RANBP3: variants seen among roughly 807,000 people sequenced by gnomAD.
RANBP3 encodes RAN binding protein 3.
A neutral mutation model predicts 77.3 loss-of-function variants in RANBP3; 14 were observed. The observed-to-expected ratio is 0.18, with a 90% CI of 0.12 to 0.28. The LOEUF (loss-of-function observed/expected upper bound fraction) is 0.28, where lower values mean the gene tolerates loss of function less well. Ranked by LOEUF, RANBP3 falls within the 10% of genes least tolerant of loss-of-function variation. The pLI is 1.00. For missense variants in RANBP3, 586 were observed against 752.3 expected (o/e 0.78, Z 2.59); for synonymous variants, 315 against 312.4 (o/e 1.01, Z -0.09).
intron 2 of RANBP3, among the ~76,000 whole-genome samples, chr19:5,954,968 T>A (rs1308803717): frequency 6.6e-6 from 1 of 152,034 alleles, no homozygotes; most frequent in Non-Finnish European, 1.5e-5. Context: ...AGCACAGAGG[T>A]TTCCCACATG....
chr19:5,929,863 C>G (rs887419957), intron 8 of RANBP3, among the ~76,000 whole-genome samples: 8 of 152,204 alleles, frequency 5.3e-5, no homozygotes, highest in African/African-American at 1.9e-4. Context: ...CACCCCAGAC[C>G]CACATGGAGC....
chr19:5,966,666 C>T (rs567180371), intron 1 of RANBP3, among the ~76,000 whole-genome samples: 5 of 152,352 alleles, frequency 3.3e-5, no homozygotes, highest in South Asian at 4.1e-4. Flanking sequence ...GAGGATCTCC[C>T]GCTAAAACTA....
intron 5 of RANBP3, 72 bp downstream of exon 5, chr19:5,941,549 C>G (rs1312232225): frequency 7.6e-7 from 1 of 1,311,924 alleles, no homozygotes; most frequent in Admixed American, 1.8e-5. Context: ...CAGACGGATG[C>G]GCGGCACTGA....
rs369731351 is a variant in RANBP3 at position 5,952,248 on chromosome 19, G to A, written c.79-652C>T. On this transcript the variant is annotated intron_variant, in intron 2 of 16. Coordinates refer to ENST00000340578, the MANE Select transcript of RANBP3 (RefSeq NM_007322.3). The surrounding 1 kb of genome is among the most constrained non-coding windows in gnomAD (Gnocchi z 4.1). Reference sequence around the variant, plus strand: ...GCTGGTTTTTGCATCAGTGGCAGGCGGGTAGTTCAGATGAAGGAGGGGGGC... The same window carrying A: ...GCTGGTTTTTGCATCAGTGGCAGGCAGGTAGTTCAGATGAAGGAGGGGGGC... 1.7e-4 allele frequency among the ~76,000 whole-genome samples: 26 copies of A among 152,274 alleles called. No individual in the cohort carries two copies. The highest frequency in any genetic ancestry group is 5.1e-4 in the African/African-American group (21 of 41,540).
intron 5 of RANBP3, among the ~76,000 whole-genome samples, chr19:5,939,577 T>C (rs2058107899): frequency 6.6e-6 from 1 of 152,158 alleles, no homozygotes; most frequent in African/African-American, 2.4e-5. Flanking sequence ...ACATTGTTTT[T>C]TGAAACTGTT....
In RANBP3 at chr19:5,924,036, G is replaced by T; in HGVS notation, c.997-122C>A. On this transcript the variant is annotated intron_variant, in intron 11 of 16. Transcript: ENST00000340578. The surrounding 1 kb of genome is among the most constrained non-coding windows in gnomAD (Gnocchi z 4.7). The stretch of plus-strand genomic sequence containing the variant: ...GCCCCCAGCACTCCTGCCCACTCCC[G>T]GTGACACCCTGAACTGCCTGGGAGC... 1.4e-6 allele frequency: 1 copy of T among 732,466 alleles called. No homozygotes were observed. Among genetic ancestry groups the T allele is most frequent in the Non-Finnish European group, 2.3e-6 (1 of 436,718 alleles). The allele number at this position is 732,466 out of a possible 1,614,324, so 45.4% of individuals were successfully genotyped here.
Position 5,959,025 on chromosome 19 carries a change from G to A in RANBP3, c.23-1052C>T, listed in dbSNP as rs188172064. Among the ~76,000 whole-genome samples the A allele has an allele frequency of 3.2e-3, 483 of 152,346 alleles. No homozygotes were observed. Among genetic ancestry groups the A allele is most frequent in the Admixed American group, 4.6e-3 (71 of 15,308 alleles). On this transcript the variant is annotated intron_variant, in intron 1 of 16. Coordinates refer to ENST00000340578, the MANE Select transcript of RANBP3 (RefSeq NM_007322.3). The surrounding 1 kb of genome is among the most constrained non-coding windows in gnomAD (Gnocchi z 5.1). ...GGAAGCATGTGCTGCCCATGATCAC[G>A]ACGAAGGCACTCTGCTTGGGCATTG...
intron 5 of RANBP3, among the ~76,000 whole-genome samples, chr19:5,937,131 A>C (rs971445231): frequency 5.0e-4 from 76 of 150,654 alleles, no homozygotes; most frequent in Admixed American, 7.4e-4. Flanking sequence ...CATCACTCTA[A>C]AGACATCACT....
At chr19:5,934,555 C>T (rs766799733) in intron 5 of RANBP3, 1 of 152,198 alleles carries the variant, frequency 6.6e-6, no homozygotes, top group Non-Finnish European at 1.5e-5. Context: ...ATGTTAGGGC[C>T]GGGTGCAGTG....
chr19:5,945,824 T>C (rs113797077), intron 3 of RANBP3, among the ~76,000 whole-genome samples: 3,741 of 152,104 alleles, frequency 0.025, 168 homozygotes, highest in African/African-American at 0.086. Context: ...AACAGTCTCT[T>C]GGGGTCTACT....
Position 5,932,432 on chromosome 19 carries a change from C to T in RANBP3, c.565+20G>A. 2 of 1,609,570 alleles carry T rather than the reference C, an allele frequency of 1.2e-6. No homozygotes were observed. Among genetic ancestry groups the T allele is most frequent in the Admixed American group, 1.7e-5 (1 of 59,882 alleles). ...CTACCCTGCCGTCTGGGCCTGGGCG[C>T]CAGGGCTGCTGTTTCTTACCAGTCT... On this transcript the variant is annotated intron_variant, in intron 7 of 16. Transcript: ENST00000340578.
rs114591251 is a variant in RANBP3 at position 5,958,489 on chromosome 19, T to C, written c.23-516A>G. On this transcript the variant is annotated intron_variant, in intron 1 of 16. Transcript: ENST00000340578. This position sits in a 1 kb window ranked among gnomAD's most constrained non-coding sequence, Gnocchi z 4.4. ...GTGAGTGCTGGTTGGGAGGAAAGGA[T>C]GTCTGGAGTTGCTAGAGGCCTGAGA... Among the ~76,000 whole-genome samples, 685 of 152,354 alleles carry C rather than the reference T, an allele frequency of 4.5e-3. 7 individuals carry two copies. The highest frequency in any genetic ancestry group is 0.016 in the African/African-American group (655 of 41,574).
At chr19:5,966,857 A>G (rs2058473575) in intron 1 of RANBP3, among the ~76,000 whole-genome samples, 2 of 152,244 alleles carry the variant, frequency 1.3e-5, no homozygotes, top group South Asian at 4.1e-4. Context: ...GCATAAAATT[A>G]GCTTTAATCC....
chr19:5,918,723 T>C (rs917670243), intron 14 of RANBP3, 85 bp from the exon 15 acceptor site: 2 of 1,514,414 alleles, frequency 1.3e-6, no homozygotes, highest in African/African-American at 2.8e-5. Context: ...ACAGTCCAGA[T>C]GGAAAGCGAC....
intron 3 of RANBP3, among the ~76,000 whole-genome samples, chr19:5,943,636 C>T (rs2058167287): frequency 6.6e-6 from 1 of 152,176 alleles, no homozygotes; most frequent in African/African-American, 2.4e-5. Context: ...CCCGTGTGAG[C>T]TGACAACATG....
chr19:5,955,902 G>C (rs2058329790), intron 2 of RANBP3, among the ~76,000 whole-genome samples: 1 of 152,092 alleles, frequency 6.6e-6, no homozygotes, highest in Admixed American at 6.5e-5. Context: ...ATAAGTTCGA[G>C]ACCAGCTTGG....
At chr19:5,951,262 GTCATCTTT>G in intron 3 of RANBP3, 123 bp downstream of exon 3, 1 of 875,264 alleles carries the variant, frequency 1.1e-6, no homozygotes, top group Non-Finnish European at 1.8e-6. Flanking sequence ...AGAAATCCTT[GTCATCTTT>G]TAAGTTACCA....
chr19:5,955,038 A>G (rs2058319543), intron 2 of RANBP3, among the ~76,000 whole-genome samples: 1 of 152,232 alleles, frequency 6.6e-6, no homozygotes, highest in Admixed American at 6.5e-5. Context: ...CCAACTCCCA[A>G]GGCTGGAGGG....
chr19:5,941,546 A>G (rs2145138290), intron 5 of RANBP3, 75 bp downstream of exon 5: 2 of 1,294,046 alleles, frequency 1.5e-6, no homozygotes, highest in African/African-American at 2.9e-5. Context: ...CAGCAGACGG[A>G]TGCGCGGCAC....
Sources: allele counts gnomAD v4.1 joint callset (sites outside exome capture counted in the v4.1 genomes callset), GRCh38; gene constraint gnomAD v4.1.1; non-coding constraint Gnocchi (gnomAD v3.1); transcripts MANE v1.5; gene names NCBI Gene and HGNC (gene_info 2026-07-23, HGNC 2026-07-21).